The following WNK1 variants were observed in gnomAD, a reference collection of about 807,000 sequenced individuals.
WNK1 encodes the protein WNK lysine deficient protein kinase 1.
WNK1 carries 38 observed loss-of-function variants against 222.8 expected under a neutral mutation model. That is an observed-to-expected ratio of 0.17 (90% confidence interval 0.13 to 0.22). WNK1 has a LOEUF of 0.22. WNK1 is among the 10% of genes least tolerant of loss of function. The pLI is 1.00. For synonymous variants in WNK1, 1,090 were observed against 1,092.9 expected (o/e 1.00, Z 0.05); for missense variants, 2,348 against 2,918.4 (o/e 0.80, Z 4.50).
At chr12:845,706 G>T (rs1039563439) in intron 4 of WNK1, among the ~76,000 whole-genome samples, 4 of 152,054 alleles carry the variant, frequency 2.6e-5, no homozygotes, top group Non-Finnish European at 5.9e-5. Context: ...GTACCTAATA[G>T]GTATCACCAT....
At chr12:868,337 AACT>A in intron 8 of WNK1, 1 of 1,613,798 alleles carries the variant, frequency 6.2e-7, no homozygotes, top group South Asian at 1.1e-5. Context: ...CATTCCATAC[AACT>A]CATCAGTACT....
At chr12:795,445 A>G (rs185003137) in intron 1 of WNK1, among the ~76,000 whole-genome samples, 25 of 151,660 alleles carry the variant, frequency 1.6e-4, no homozygotes, top group Admixed American at 1.5e-3. Flanking sequence ...TTTCCTCCAT[A>G]CTGTTCTCAT....
intron 1 of WNK1, among the ~76,000 whole-genome samples, chr12:764,461 C>A (rs927210618): frequency 5.5e-5 from 8 of 144,954 alleles, no homozygotes; most frequent in South Asian, 4.6e-4. Context: ...CATGGAGAAA[C>A]CCCGTCTCTA....
In WNK1 at chr12:885,647, C is replaced by G. The variant is rs1188855806; in HGVS notation, c.4843C>G (p.Gln1615Glu). 9.3e-6 allele frequency: 15 copies of G among 1,614,194 alleles called. No individual in the cohort carries two copies. Among genetic ancestry groups the G allele is most frequent in the African/African-American group, 1.3e-5 (1 of 75,038 alleles). Residue 1615 changes from glutamine (Q) to glutamate (E), a missense_variant, in exon 19 of 28, where the codon CAG becomes GAG. Physicochemically the swap from Gln to Glu is conservative, Grantham distance 29 (BLOSUM62 2). Coordinates refer to ENST00000315939, the MANE Select transcript of WNK1 (RefSeq NM_018979.4). ...TGTTGCCAATGTGCCTGCTGTACAG[C>G]AGACACTAATTCATAGTCAGCCTCA... ...QPVANVPAVQQTLIHSQPQPA... is the reference protein window; with the variant it reads ...QPVANVPAVQETLIHSQPQPA...
chr12:869,917 G>T (rs1308403407), intron 8 of WNK1, among the ~76,000 whole-genome samples: 2 of 151,708 alleles, frequency 1.3e-5, no homozygotes, highest in African/African-American at 4.8e-5. Flanking sequence ...AGTTATTTAT[G>T]TGTATGAGCA....
At chr12:802,344 A>G (rs1237728393) in intron 1 of WNK1, among the ~76,000 whole-genome samples, 7 of 152,312 alleles carry the variant, frequency 4.6e-5, no homozygotes, top group Non-Finnish European at 1.0e-4. Context: ...AACTTGAGAA[A>G]CATTTCCTCT....
intron 4 of WNK1, among the ~76,000 whole-genome samples, chr12:836,346 CGAAAAACAAATCTGTTGAAATTATAT>C (rs1949179781): frequency 3.3e-5 from 5 of 151,960 alleles, no homozygotes; most frequent in Non-Finnish European, 7.4e-5. Context: ...ACTAAGGTTG[CGAAAAACAAATCTGTTGAAATTATAT>C]AAGAAAGTAC....
Position 753,994 on chromosome 12 carries a change from T to A in WNK1, c.429T>A (p.Pro143=), listed in dbSNP as rs1939583575. The A allele has an allele frequency of 6.3e-7, 1 of 1,591,324 alleles. No individual in the cohort carries two copies. The highest frequency in any genetic ancestry group is 8.6e-7 in the Non-Finnish European group (1 of 1,169,426). Residue 143 remains proline, a synonymous_variant, in exon 1 of 28, where the codon CCT becomes CCA. Transcript: ENST00000315939. This position sits in a 1 kb window ranked among gnomAD's most constrained non-coding sequence, Gnocchi z 5.2. ...AGCAGCCTCCAGCCGCTGCCGCCCC[T>A]GGGGAACAGGCCGTCGCGGGCCCTG... The part of the protein sequence containing the change: ...VAQQPPAAAA[P]GEQAVAGPAP...
intron 22 of WNK1, among the ~76,000 whole-genome samples, chr12:891,549 GA>G (rs1399277805): frequency 6.7e-6 from 1 of 150,236 alleles, no homozygotes; most frequent in African/African-American, 2.4e-5. Flanking sequence ...GACCAAAGAT[GA>G]AATATTATAT....
Position 880,862 on chromosome 12 carries a change from C to A in WNK1, c.2974C>A (p.Pro992Thr), listed in dbSNP as rs751055211. 6 of 1,614,010 alleles carry A rather than the reference C, an allele frequency of 3.7e-6. No individual in the cohort carries two copies. The change falls in exon 12 of 28, where the codon CCC becomes ACC. Residue 992 changes from proline (P) to threonine (T), a missense_variant. Coordinates refer to ENST00000315939, the MANE Select transcript of WNK1 (RefSeq NM_018979.4). Reference protein sequence around the residue: ...TEVLATPGYFPTVVQPYVESN... With the variant: ...TEVLATPGYFTTVVQPYVESN... ...AGTACTGGCTACACCTGGGTACTTT[C>A]CCACAGTGGTGCAGCCTTATGTGGA...
rs1240314353 is a variant in WNK1 at position 908,797 on chromosome 12, A to G, written c.*5A>G. 7 of 1,367,136 alleles carry G rather than the reference A, an allele frequency of 5.1e-6. No homozygotes were observed. Among genetic ancestry groups the G allele is most frequent in the Non-Finnish European group, 6.8e-6 (7 of 1,026,288 alleles). 84.7% of individuals were successfully genotyped at this position (1,367,136 alleles called of 1,614,324 possible). A position where few individuals can be genotyped will look rare whatever the true frequency, so the allele number is the denominator to read the frequency against. ...TCCAACCTGCGGACCACTTAGACCTAGAGACATTAACTGAATAGATCTGGG... is the reference window on the plus strand; with the variant it reads ...TCCAACCTGCGGACCACTTAGACCTGGAGACATTAACTGAATAGATCTGGG... On this transcript the variant is annotated 3_prime_UTR_variant, in exon 28 of 28. Transcript: ENST00000315939.
At chr12:774,750 A>T (rs925059214) in intron 1 of WNK1, among the ~76,000 whole-genome samples, 5 of 152,120 alleles carry the variant, frequency 3.3e-5, no homozygotes, top group African/African-American at 9.7e-5. Context: ...AATACTGTTA[A>T]ATATTTCATA....
chr12:784,499 C>T (rs1944073035), intron 1 of WNK1, among the ~76,000 whole-genome samples: 1 of 151,976 alleles, frequency 6.6e-6, no homozygotes, highest in Non-Finnish European at 1.5e-5. Flanking sequence ...TTTTTGTTGA[C>T]ATTTATTTTT....
intron 4 of WNK1, among the ~76,000 whole-genome samples, chr12:830,914 A>G (rs978469487): frequency 6.6e-6 from 1 of 152,176 alleles, no homozygotes; most frequent in Admixed American, 6.5e-5. Flanking sequence ...TCCACAAAAT[A>G]TATTTTATTG....
chr12:811,499 G>A (rs906231321), intron 1 of WNK1, among the ~76,000 whole-genome samples: 11 of 151,910 alleles, frequency 7.2e-5, no homozygotes, highest in African/African-American at 2.4e-4. Context: ...GAGTCAGTTC[G>A]TCTCACAACA....
intron 1 of WNK1, among the ~76,000 whole-genome samples, chr12:795,390 T>C (rs561899447): frequency 1.3e-5 from 2 of 151,906 alleles, no homozygotes; most frequent in Non-Finnish European, 2.9e-5. Context: ...AATCTTCATG[T>C]GTCAGTGGCG....
chr12:787,334 TC>T (rs1484907259), intron 1 of WNK1, among the ~76,000 whole-genome samples: 1 of 152,084 alleles, frequency 6.6e-6, no homozygotes, highest in Non-Finnish European at 1.5e-5. Flanking sequence ...CTGTTGCTGA[TC>T]TGAAACTCTG....
chr12:765,821 C>T (rs947831847), intron 1 of WNK1, among the ~76,000 whole-genome samples: 29 of 152,038 alleles, frequency 1.9e-4, no homozygotes, highest in African/African-American at 7.0e-4. Flanking sequence ...CAACTTTAAC[C>T]ATAAAGTTCA....
chr12:796,307 C>G (rs929488754), intron 1 of WNK1, among the ~76,000 whole-genome samples: 2 of 152,022 alleles, frequency 1.3e-5, no homozygotes, highest in South Asian at 2.1e-4. Context: ...ATTCTTAATT[C>G]CTTTATTCCA....
Sources: allele counts gnomAD v4.1 joint callset (sites outside exome capture counted in the v4.1 genomes callset), GRCh38; gene constraint gnomAD v4.1.1; non-coding constraint Gnocchi (gnomAD v3.1); transcripts MANE v1.5; gene names NCBI Gene and HGNC (gene_info 2026-07-23, HGNC 2026-07-21).